USP24: variants seen among roughly 807,000 people sequenced by gnomAD.
USP24 encodes ubiquitin specific peptidase 24.
A neutral mutation model predicts 361.6 loss-of-function variants in USP24; 97 were observed. That is an observed-to-expected ratio of 0.27 (90% CI 0.23 to 0.32). The LOEUF (loss-of-function observed/expected upper bound fraction) is 0.32. Among genes scored for constraint, USP24 ranks in the 10% least tolerant of loss-of-function variants. The pLI is 1.00. For synonymous variants in USP24, 1,098 were observed against 1,124.6 expected, an observed-to-expected ratio of 0.98 and a Z score of 0.47; for missense variants, 2,353 against 3,165.6, an observed-to-expected ratio of 0.74 and a Z score of 6.16.
Position 55,192,214 on chromosome 1 carries a change from C to T in USP24, c.325-14082G>A, listed in dbSNP as rs1037170232. 1.1e-4 allele frequency among the ~76,000 whole-genome samples: 16 copies of T among 152,112 alleles called. No homozygotes were observed. In the East Asian group the frequency reaches 3.1e-3, roughly 29 times the overall value. ...GACAATAAACTGATTACTCTTGAAC[C>T]CAACAAGGATACATTACTGTAATTT... On this transcript the variant is annotated intron_variant, in intron 1 of 67. Transcript: ENST00000294383.
At chr1:55,181,658 T>C (rs1218735602) in intron 1 of USP24, among the ~76,000 whole-genome samples, 1 of 152,202 alleles carries the variant, frequency 6.6e-6, no homozygotes, top group African/African-American at 2.4e-5. Context: ...TTAATTTCTA[T>C]AGAGTTAATA....
chr1:55,142,830 G>T, intron 22 of USP24, 35 bp from the exon 23 acceptor site: 1 of 1,463,066 alleles, frequency 6.8e-7, no homozygotes, highest in Non-Finnish European at 9.2e-7. Flanking sequence ...ATTAGTCCTT[G>T]ACATTTAGTT....
chr1:55,122,275 A>G lies in USP24; in HGVS notation c.4277-769T>C, dbSNP rs557813078. ...GGGAATGTTTCAGTAAGCATACTGG[A>G]AAGAGGGAACAAACAGCCAGTGCAA... On this transcript the variant is annotated intron_variant, in intron 36 of 67. Coordinates refer to ENST00000294383, the MANE Select transcript of USP24 (RefSeq NM_015306.3). Among the ~76,000 whole-genome samples, 71 of 152,294 alleles carry G rather than the reference A, an allele frequency of 4.7e-4. No individual in the cohort carries two copies. The South Asian group carries it at 6.2e-3, about 13-fold the overall frequency.
Position 55,069,074 on chromosome 1 carries a change from T to C in USP24, c.7834A>G (p.Arg2612Gly). 1 of 1,613,982 alleles carries C rather than the reference T, an allele frequency of 6.2e-7. No individual in the cohort carries two copies. Among genetic ancestry groups the C allele is most frequent in the Non-Finnish European group, 8.5e-7 (1 of 1,179,890 alleles). The change falls in exon 68 of 68, where the codon AGA (arginine) becomes GGA (glycine). Residue 2612 changes from arginine to glycine, a missense_variant. Physicochemically the swap from Arg to Gly is moderately radical, Grantham distance 125. This residue lies in a region of USP24 where 53 missense variants were observed against 57.7 expected (regional missense o/e 0.92). Coordinates refer to ENST00000294383, the MANE Select transcript of USP24 (RefSeq NM_015306.3). ...GGATCAACATCATCAAGGTCACTTC[T>C]CAACTCACCAATCATCATGGGAGAT... is the stretch of plus-strand genomic sequence containing the variant. ...SESPMMIGEL[R>G]SDLDDVDP
At chr1:55,200,117 T>C (rs971201659) in intron 1 of USP24, among the ~76,000 whole-genome samples, 3 of 152,372 alleles carry the variant, frequency 2.0e-5, no homozygotes, top group Non-Finnish European at 4.4e-5. Flanking sequence ...GTGGGAATTA[T>C]GGGAGTATAA....
intron 63 of USP24, 82 bp from the exon 64 acceptor site, chr1:55,073,988 A>C: frequency 9.0e-7 from 1 of 1,106,636 alleles, no homozygotes; most frequent in Non-Finnish European, 1.3e-6. Flanking sequence ...CTCTTGTTCT[A>C]AAAATCGACA....
At chr1:55,102,096 G>A (rs1645649973) in intron 42 of USP24, among the ~76,000 whole-genome samples, 1 of 152,028 alleles carries the variant, frequency 6.6e-6, no homozygotes, top group Non-Finnish European at 1.5e-5. Context: ...GGGTAAAGAG[G>A]CATAATCAAG....
intron 44 of USP24, among the ~76,000 whole-genome samples, chr1:55,100,338 AAC>A (rs1053113290): frequency 1.3e-5 from 2 of 152,144 alleles, no homozygotes; most frequent in Non-Finnish European, 2.9e-5. Context: ...CTCTACTGAA[AAC>A]ACAAAATTAG....
chr1:55,126,973 A>T (rs1375551330), intron 32 of USP24, among the ~76,000 whole-genome samples: 1 of 152,082 alleles, frequency 6.6e-6, no homozygotes, highest in Admixed American at 6.6e-5. Context: ...TTTTATCTTT[A>T]TTCTTTTCTC....
At position 55,159,046 on chromosome 1, in the gene USP24, A is replaced by C. The variant is rs1323603594; in HGVS notation, c.1069-10T>G. The stretch of plus-strand genomic sequence containing the variant: ...GGATGCTAACCAATCTCTTTTATTG[A>C]ATAAAAACAAAAAAACAAAAAAGGA... On this transcript the variant is annotated splice_polypyrimidine_tract_variant and intron_variant, in intron 9 of 67. Coordinates refer to ENST00000294383, the MANE Select transcript of USP24 (RefSeq NM_015306.3). The C allele has an allele frequency of 6.9e-7, 1 of 1,457,654 alleles. No individual in the cohort carries two copies. Among genetic ancestry groups the C allele is most frequent in the Non-Finnish European group, 9.1e-7 (1 of 1,097,534 alleles). The allele number at this position is 1,457,654 out of a possible 1,614,324, so 90.3% of individuals were successfully genotyped here. A position where few individuals can be genotyped will look rare whatever the true frequency, so the allele number is the denominator to read the frequency against.
Position 55,215,045 on chromosome 1 carries a change from G to A in USP24, c.69C>T (p.Ile23=). 6.8e-7 allele frequency: 1 copy of A among 1,470,906 alleles called. No homozygotes were observed. Among genetic ancestry groups the A allele is most frequent in the Non-Finnish European group, 9.0e-7 (1 of 1,108,840 alleles). 91.1% of individuals were successfully genotyped at this position (1,470,906 alleles called of 1,614,324 possible). The change falls in exon 1 of 68, where the codon ATC becomes ATT. Residue 23 remains isoleucine (I), a synonymous_variant. Coordinates refer to ENST00000294383, the MANE Select transcript of USP24 (RefSeq NM_015306.3). The part of the protein sequence containing the change: ...LCMGFSDPAT[I]RKALRLAKND... ...TCTTGGCCAGGCGCAGGGCCTTGCG[G>A]ATGGTGGCGGGGTCTGAGAAGCCCA...
chr1:55,170,243 G>C (rs1649309652), intron 5 of USP24, among the ~76,000 whole-genome samples: 1 of 152,088 alleles, frequency 6.6e-6, no homozygotes, highest in African/African-American at 2.4e-5. Flanking sequence ...GCTTGAGAAG[G>C]CAAGAGAAGA....
At chr1:55,171,797 A>G in intron 4 of USP24, 119 bp from the exon 5 acceptor site, 1 of 1,140,938 alleles carries the variant, frequency 8.8e-7, no homozygotes, top group Non-Finnish European at 1.2e-6. Context: ...ATCTTTCAAG[A>G]ATACACCGAA....
Position 55,134,332 on chromosome 1 carries a change from G to A in USP24, c.3283C>T (p.Pro1095Ser). ...CTCACAAATATTTATATTTACCTTG[G>A]CTCTTCCAGATTGGCGAGCTGATAA... The part of the protein sequence containing the change: ...MLYQLANLEE[P>S]RITLRVRKLL... The change falls in exon 29 of 68, where the codon CCA becomes TCA. Residue 1095 changes from proline (P) to serine (S), a missense_variant. Pro to Ser is a moderately conservative substitution (Grantham distance 74). This residue lies in a region of USP24 where 949 missense variants were observed against 1,280.5 expected (regional missense o/e 0.74). Coordinates refer to ENST00000294383, the MANE Select transcript of USP24 (RefSeq NM_015306.3). The A allele has an allele frequency of 6.2e-7, 1 of 1,611,670 alleles. No individual in the cohort carries two copies.
chr1:55,100,708 C>T (rs757045041), intron 44 of USP24, 131 bp downstream of exon 44: 1 of 1,015,660 alleles, frequency 9.8e-7, no homozygotes. Context: ...AATGGTATAC[C>T]AAATCCTTTT....
intron 39 of USP24, among the ~76,000 whole-genome samples, chr1:55,109,151 G>A (rs1645877068): frequency 6.6e-6 from 1 of 152,082 alleles, no homozygotes; most frequent in African/African-American, 2.4e-5. Flanking sequence ...ACCACGCCCG[G>A]CTGATTTTGT....
intron 53 of USP24, 36 bp downstream of exon 53, chr1:55,092,785 C>A: frequency 7.1e-7 from 1 of 1,400,058 alleles, no homozygotes. Context: ...TAATTGTAAC[C>A]CTTTCTTATT....
chr1:55,140,906 C>A (rs1646869707), intron 24 of USP24, among the ~76,000 whole-genome samples: 1 of 152,174 alleles, frequency 6.6e-6, no homozygotes, highest in African/African-American at 2.4e-5. Flanking sequence ...TTCATGAAAT[C>A]TGAGTTTAGT....
At chr1:55,097,551 T>C in intron 48 of USP24, 47 bp downstream of exon 48, 3 of 1,510,282 alleles carry the variant, frequency 2.0e-6, no homozygotes, top group Admixed American at 2.5e-5. Flanking sequence ...AAGAAGTGAG[T>C]GAGGAAATGA....
Sources: gnomAD v4.1 joint callset for allele counts (sites outside exome capture counted in the v4.1 genomes callset) on GRCh38, gnomAD v4.1.1 for gene constraint, gnomAD v4.1.1 regional missense constraint, MANE v1.5 for transcripts, NCBI Gene and HGNC (gene_info 2026-07-23, HGNC 2026-07-21) for gene names.